The following ROBO2 variants were observed in gnomAD, a reference collection of about 807,000 sequenced individuals.
ROBO2 encodes the protein roundabout homolog 2.
A neutral mutation model predicts 160.8 loss-of-function variants in ROBO2; 53 were observed. The observed-to-expected ratio is 0.33, with a 90% CI of 0.26 to 0.41. The LOEUF is 0.41. ROBO2 is among the 10% of genes least tolerant of loss of function. ROBO2 has a pLI of 1.00. For missense variants in ROBO2, 1,577 were observed against 1,722.4 expected, an observed-to-expected ratio of 0.92 and a Z score of 1.49; for synonymous variants, 664 against 611.7, an observed-to-expected ratio of 1.09 and a Z score of -1.26.
intron 2 of ROBO2, among the ~76,000 whole-genome samples, chr3:76,436,870 C>T (rs1407482154): frequency 6.6e-6 from 1 of 152,146 alleles, no homozygotes. Flanking sequence ...GTGGGGTGCT[C>T]TGGCTCAGAC....
intron 2 of ROBO2, among the ~76,000 whole-genome samples, chr3:76,545,361 C>T (rs892845514): frequency 1.5e-4 from 23 of 151,888 alleles, no homozygotes; most frequent in African/African-American, 5.3e-4. Context: ...TACCTACTGT[C>T]GGTTAAGTCA....
chr3:76,220,693 A>G (rs1703907635), intron 2 of ROBO2, among the ~76,000 whole-genome samples: 1 of 152,176 alleles, frequency 6.6e-6, no homozygotes. Flanking sequence ...CCTGATATCC[A>G]GAACATAAAT....
chr3:75,973,515 AGAGATGT>A (rs1413073436), intron 2 of ROBO2, among the ~76,000 whole-genome samples: 1 of 151,710 alleles, frequency 6.6e-6, no homozygotes, highest in Non-Finnish European at 1.5e-5. Context: ...AGCAAGAGGG[AGAGATGT>A]GAGACCTTGC....
Position 76,746,427 on chromosome 3 carries a change from T to C in ROBO2, c.110-351587T>C, listed in dbSNP as rs1207329866. 2.6e-5 allele frequency among the ~76,000 whole-genome samples: 4 copies of C among 152,058 alleles called. No individual in the cohort carries two copies. In the South Asian group the frequency reaches 8.3e-4, roughly 32 times the overall value. On this transcript the variant is annotated intron_variant, in intron 2 of 26. Transcript: ENST00000487694. The stretch of plus-strand genomic sequence containing the variant: ...TCTCCACACTGACTTCCACAATGGT[T>C]GAACTAGTTTACAGTCCCACCAACA...
At chr3:76,959,294 G>A (rs967110742) in intron 2 of ROBO2, among the ~76,000 whole-genome samples, 1 of 152,218 alleles carries the variant, frequency 6.6e-6, no homozygotes, top group African/African-American at 2.4e-5. Flanking sequence ...GTGGAAAAGA[G>A]TTTATGGTAG....
intron 2 of ROBO2, among the ~76,000 whole-genome samples, chr3:77,227,773 T>A (rs2086661067): frequency 6.6e-6 from 1 of 152,204 alleles, no homozygotes; most frequent in Non-Finnish European, 1.5e-5. Flanking sequence ...CTCAAGTCAA[T>A]CAAATAACCT....
intron 2 of ROBO2, among the ~76,000 whole-genome samples, chr3:76,137,933 A>G (rs962000083): frequency 6.6e-6 from 1 of 152,030 alleles, no homozygotes; most frequent in Non-Finnish European, 1.5e-5. Context: ...TAATCTTCCC[A>G]TCTCAAGTCA....
Position 77,623,424 on chromosome 3 carries a change from A to G in ROBO2, c.3760+992A>G, listed in dbSNP as rs987656611. ...GCTTCCAAACTTTCACAGATTTTAC[A>G]CAATGTGTTAGAGTTCTACAAACAC... On this transcript the variant is annotated intron_variant, in intron 23 of 25. Coordinates refer to ENST00000461745, the Ensembl canonical transcript of ROBO2. Among the ~76,000 whole-genome samples the G allele has an allele frequency of 5.9e-5, 9 of 152,298 alleles. No homozygotes were observed. The East Asian group carries it at 1.7e-3, about 29-fold the overall frequency.
chr3:76,852,671 A>G (rs2069535415), intron 2 of ROBO2, among the ~76,000 whole-genome samples: 1 of 152,128 alleles, frequency 6.6e-6, no homozygotes, highest in Non-Finnish European at 1.5e-5. Context: ...TCCAAATATA[A>G]TACCCCCAAT....
At chr3:76,066,743 T>G (rs2324471) in intron 2 of ROBO2, among the ~76,000 whole-genome samples, 97,164 of 151,630 alleles carry the variant, frequency 0.64, 31,751 homozygotes, top group Middle Eastern at 0.77. Flanking sequence ...TATCTTAGTG[T>G]TACTTTATAG....
At chr3:77,406,529 A>G (rs1560745887) in intron 2 of ROBO2, among the ~76,000 whole-genome samples, 1 of 152,182 alleles carries the variant, frequency 6.6e-6, no homozygotes, top group Admixed American at 6.5e-5. Flanking sequence ...CCTTATTAAT[A>G]CTGTATATTC....
rs551081169 is a variant in ROBO2 at position 76,311,862 on chromosome 3, CTCTA to C, written c.109+374263_109+374266del. Among the ~76,000 whole-genome samples the C allele has an allele frequency of 5.3e-5, 8 of 152,292 alleles. No homozygotes were observed. The South Asian group carries it at 1.4e-3, about 28-fold the overall frequency. On this transcript the variant is annotated intron_variant, in intron 2 of 26. Coordinates refer to the ROBO2 transcript ENST00000487694. ...CCACCAACACTAATTTTCTGGCTGA[CTCTA>C]TCAGTGTTGATGTGTTAATAAAGAT...
chr3:76,653,324 CT>C (rs2091338228), intron 2 of ROBO2, among the ~76,000 whole-genome samples: 1 of 151,244 alleles, frequency 6.6e-6, no homozygotes, highest in Admixed American at 6.6e-5. Context: ...CCTTATTTTA[CT>C]TTTGATATTT....
At chr3:76,692,887 C>A (rs2092833422) in intron 2 of ROBO2, among the ~76,000 whole-genome samples, 1 of 149,846 alleles carries the variant, frequency 6.7e-6, no homozygotes, top group African/African-American at 2.5e-5. Flanking sequence ...ATATAACTCT[C>A]TCTCTCTCTC....
intron 2 of ROBO2, among the ~76,000 whole-genome samples, chr3:76,691,049 C>CCTAAAAAT (rs1274326398): frequency 6.6e-6 from 1 of 151,792 alleles, no homozygotes; most frequent in Non-Finnish European, 1.5e-5. Flanking sequence ...GCAAAGAGTT[C>CCTAAAAAT]TGTCTAAAAA....
chr3:76,532,508 A>G (rs1459534132), intron 2 of ROBO2, among the ~76,000 whole-genome samples: 1 of 152,198 alleles, frequency 6.6e-6, no homozygotes, highest in Non-Finnish European at 1.5e-5. Context: ...TCAGTAACAT[A>G]TTAACTTTTC....
intron 2 of ROBO2, among the ~76,000 whole-genome samples, chr3:76,436,144 T>C (rs1359327082): frequency 2.2e-5 from 1 of 45,906 alleles, no homozygotes; most frequent in Non-Finnish European, 4.4e-5. Flanking sequence ...CCTACAGAGA[T>C]GACTTTAAAA....
intron 2 of ROBO2, among the ~76,000 whole-genome samples, chr3:76,577,651 T>G (rs2085391395): frequency 6.6e-6 from 1 of 152,142 alleles, no homozygotes. Context: ...AGAAGCAATT[T>G]AACACTTTCT....
chr3:76,681,579 C>T (rs914220400), intron 2 of ROBO2, among the ~76,000 whole-genome samples: 8 of 152,056 alleles, frequency 5.3e-5, no homozygotes, highest in Non-Finnish European at 7.4e-5. Context: ...ATTTAAATTG[C>T]GACCTAAAGA....
Sources: gnomAD v4.1 joint callset for allele counts (sites outside exome capture counted in the v4.1 genomes callset) on GRCh38, gnomAD v4.1.1 for gene constraint, MANE v1.5 for transcripts, NCBI Gene and HGNC (gene_info 2026-07-23, HGNC 2026-07-21) for gene names.